PAX2: variants seen among roughly 807,000 people sequenced by gnomAD.
PAX2 encodes the protein paired box 2, also known as paired box protein Pax-2.
PAX2 carries 9 observed loss-of-function variants against 41.7 expected under a neutral mutation model. The ratio of observed to expected loss-of-function variants is 0.22; its 90% CI spans 0.13 to 0.38. The LOEUF is 0.38. PAX2 is among the 10% of genes least tolerant of loss of function. The pLI is 1.00. For missense variants in PAX2, 418 were observed against 531.6 expected, an observed-to-expected ratio of 0.79 and a Z score of 2.10; for synonymous variants, 221 against 212.7, an observed-to-expected ratio of 1.04 and a Z score of -0.34.
Position 100,777,983 on chromosome 10 carries a change from G to A in PAX2, c.411-1515G>A, listed in dbSNP as rs541217180. Among the ~76,000 whole-genome samples the A allele has an allele frequency of 1.4e-4, 21 of 152,304 alleles. No individual in the cohort carries two copies. The South Asian group carries it at 1.5e-3, about 11-fold the overall frequency. On this transcript the variant is annotated intron_variant, in intron 3 of 9. Transcript: ENST00000355243. ...CATTAACCCAGAAGGCAGCAGGCTC[G>A]CGTGGCTTCCGCTTCCACCAGCTTG...
Position 100,748,426 on chromosome 10 carries a change from C to A in PAX2, c.44-1320C>A. 1.0e-6 allele frequency: 1 copy of A among 985,162 alleles called. No homozygotes were observed. 61.0% of individuals were successfully genotyped at this position (985,162 alleles called of 1,614,324 possible). On this transcript the variant is annotated intron_variant, in intron 1 of 9. Transcript: ENST00000355243. This position sits in a 1 kb window ranked among gnomAD's most constrained non-coding sequence, Gnocchi z 5.0. ...GTTTCACCGAGCTTGCTCTAGGTAC[C>A]CCCCGAGAAAGGGAGGGGAGAGAAA...
chr10:100,808,570 C>T (rs1472915264), intron 6 of PAX2, among the ~76,000 whole-genome samples: 1 of 152,140 alleles, frequency 6.6e-6, no homozygotes, highest in African/African-American at 2.4e-5. Context: ...CTTCTGTTAG[C>T]CATGTGGACT....
At chr10:100,741,958 T>G (rs1844971078), upstream of PAX2, among the ~76,000 whole-genome samples, 1 of 151,720 alleles carries the variant, frequency 6.6e-6, no homozygotes, top group East Asian at 1.9e-4. Flanking sequence ...CCCCGGGAAG[T>G]GGAAGGAGGA....
intron 3 of PAX2, among the ~76,000 whole-genome samples, chr10:100,758,204 G>C (rs1316210929): frequency 6.7e-6 from 1 of 149,044 alleles, no homozygotes; most frequent in African/African-American, 2.5e-5. Flanking sequence ...GCAATGGCAC[G>C]ATCTCAGCTC....
chr10:100,751,468 G>C (rs1259571348), intron 3 of PAX2, among the ~76,000 whole-genome samples: 1 of 152,252 alleles, frequency 6.6e-6, no homozygotes, highest in Non-Finnish European at 1.5e-5. Context: ...GAGTAGAGGA[G>C]CTGGACAAGG....
intron 5 of PAX2, among the ~76,000 whole-genome samples, chr10:100,787,792 T>C (rs1376310028): frequency 6.6e-6 from 1 of 151,820 alleles, no homozygotes; most frequent in Non-Finnish European, 1.5e-5. Context: ...GAGGTGTTGT[T>C]TGAGAAAGGT....
chr10:100,790,528 A>G (rs868233394), intron 5 of PAX2, among the ~76,000 whole-genome samples: 1 of 152,182 alleles, frequency 6.6e-6, no homozygotes, highest in Admixed American at 6.5e-5. Context: ...CCCCAAGCAC[A>G]GGCTATGGAA....
At chr10:100,818,224 T>A (rs916847496) in intron 7 of PAX2, among the ~76,000 whole-genome samples, 1 of 152,216 alleles carries the variant, frequency 6.6e-6, no homozygotes, top group Non-Finnish European at 1.5e-5. Context: ...AGGAAAAGCA[T>A]CTCTGAACTC....
rs1845315744 is a variant in PAX2, at chr10:100,748,828, G to C, written c.44-918G>C. Reference sequence around the variant, plus strand: ...TGAGGGGTCAAAGGGACTCGAGTCGGGTTTGGGTCGGCTACACAGGGCGCC... The same window carrying C: ...TGAGGGGTCAAAGGGACTCGAGTCGCGTTTGGGTCGGCTACACAGGGCGCC... On this transcript the variant is annotated intron_variant, in intron 1 of 9. Coordinates refer to ENST00000355243, the MANE Select transcript of PAX2 (RefSeq NM_000278.5). This position sits in a 1 kb window ranked among gnomAD's most constrained non-coding sequence, Gnocchi z 5.0. The C allele has an allele frequency of 9.1e-6, 9 of 985,266 alleles. No individual in the cohort carries two copies. The highest frequency in any genetic ancestry group is 1.8e-5 in the African/African-American group (1 of 57,120). 61.0% of individuals were successfully genotyped at this position (985,266 alleles called of 1,614,324 possible).
At chr10:100,739,480 T>G (rs374370359) in intron 1 of PAX2, among the ~76,000 whole-genome samples, 1 of 152,110 alleles carries the variant, frequency 6.6e-6, no homozygotes, top group South Asian at 2.1e-4. Flanking sequence ...GTAGATTTGG[T>G]GCCGGCTCGC....
chr10:100,797,540 A>T (rs935627249), intron 5 of PAX2, among the ~76,000 whole-genome samples: 3 of 152,266 alleles, frequency 2.0e-5, no homozygotes, highest in African/African-American at 7.2e-5. Flanking sequence ...TGCCTGATAT[A>T]TACTAAGCAC....
intron 3 of PAX2, among the ~76,000 whole-genome samples, chr10:100,761,579 G>C (rs1231457645): frequency 6.6e-6 from 1 of 152,216 alleles, no homozygotes; most frequent in South Asian, 2.1e-4. Context: ...AGCATTAATC[G>C]CATTAAAGAG....
At chr10:100,746,389 G>T in intron 1 of PAX2, 86 bp downstream of exon 1, 1 of 931,508 alleles carries the variant, frequency 1.1e-6, no homozygotes, top group East Asian at 2.4e-5. Flanking sequence ...GGCCCCTCGC[G>T]CTCAGGTCCC....
intron 8 of PAX2, among the ~76,000 whole-genome samples, chr10:100,825,800 G>C (rs1480255819): frequency 6.6e-6 from 1 of 152,208 alleles, no homozygotes; most frequent in Non-Finnish European, 1.5e-5. Flanking sequence ...ACTAGGGGCT[G>C]AAGGGAGTTA....
intron 5 of PAX2, among the ~76,000 whole-genome samples, chr10:100,798,690 C>G (rs909396725): frequency 6.6e-6 from 1 of 152,100 alleles, no homozygotes; most frequent in Non-Finnish European, 1.5e-5. Flanking sequence ...TCTCTTCATT[C>G]CTGAACACTC....
intron 5 of PAX2, 133 bp downstream of exon 5, chr10:100,781,498 C>T (rs1257820713): frequency 8.5e-6 from 8 of 941,610 alleles, no homozygotes; most frequent in Non-Finnish European, 1.4e-5. Flanking sequence ...GGTCCCCCCA[C>T]TGCCCTGCTG....
chr10:100,815,185 C>G (rs1165318627), intron 7 of PAX2, among the ~76,000 whole-genome samples: 1 of 152,192 alleles, frequency 6.6e-6, no homozygotes, highest in African/African-American at 2.4e-5. Flanking sequence ...AACTGCATTT[C>G]CCTCCATAAA....
At chr10:100,754,981 GA>G (rs1212209294) in intron 3 of PAX2, among the ~76,000 whole-genome samples, 6 of 152,176 alleles carry the variant, frequency 3.9e-5, no homozygotes, top group African/African-American at 7.2e-5. Context: ...CAAGGACAGG[GA>G]ACTCACCTTC....
In PAX2 at chr10:100,746,203, G is replaced by T. The variant is rs1364029979; in HGVS notation, c.-58G>T. 60 of 1,599,078 alleles carry T rather than the reference G, an allele frequency of 3.8e-5. No homozygotes were observed. Among genetic ancestry groups the T allele is most frequent in the Non-Finnish European group, 5.0e-5 (58 of 1,171,336 alleles). The stretch of plus-strand genomic sequence containing the variant: ...CCTTTTCTCCTCAAGTCCTGAAGTT[G>T]AGTTTGAGAGGCGACACGGCGGCGG... On this transcript the variant is annotated 5_prime_UTR_variant, in exon 1 of 10. Coordinates refer to ENST00000355243, the MANE Select transcript of PAX2 (RefSeq NM_000278.5).
Sources: allele counts gnomAD v4.1 joint callset (sites outside exome capture counted in the v4.1 genomes callset), GRCh38; gene constraint gnomAD v4.1.1; non-coding constraint Gnocchi (gnomAD v3.1); transcripts MANE v1.5; gene names NCBI Gene and HGNC (gene_info 2026-07-23, HGNC 2026-07-21).